MIS18BP1: variants seen among roughly 807,000 people sequenced by gnomAD.
MIS18BP1 encodes mis18-binding protein 1.
MIS18BP1 carries 72 observed loss-of-function variants against 116.1 expected under a neutral mutation model. That is an observed-to-expected ratio of 0.62 (90% CI 0.51 to 0.75). The LOEUF (loss-of-function observed/expected upper bound fraction) is 0.75, where lower values mean the gene tolerates loss of function less well. Among genes scored for constraint, MIS18BP1 ranks in the 30% least tolerant of loss-of-function variants. The pLI is 0.00. For synonymous variants in MIS18BP1, 386 were observed against 427.0 expected, an observed-to-expected ratio of 0.90 and a Z score of 1.18; for missense variants, 1,363 against 1,303.2, an observed-to-expected ratio of 1.05 and a Z score of -0.71.
At chr14:45,223,702 ATACTTAGGCTTTCCTCGTACTTTCCTCG>A (rs1284805917) in intron 11 of MIS18BP1, among the ~76,000 whole-genome samples, 188 bp downstream of exon 11, 1 of 152,252 alleles carries the variant, frequency 6.6e-6, no homozygotes, top group East Asian at 1.9e-4. Context: ...TACTTTCCTC[ATACTTAGGCTTTCCTCGTACTTTCCTCG>A]TATTAGAGAT....
intron 7 of MIS18BP1, 71 bp downstream of exon 7, chr14:45,232,662 G>C (rs1429750308): frequency 1.2e-6 from 1 of 837,862 alleles, no homozygotes; most frequent in South Asian, 1.5e-5. Context: ...GGACATGGTG[G>C]CACACACATA....
intron 1 of MIS18BP1, among the ~76,000 whole-genome samples, chr14:45,251,820 A>C (rs960184618): frequency 6.6e-6 from 1 of 152,210 alleles, no homozygotes; most frequent in South Asian, 2.1e-4. Flanking sequence ...ATGCAAACTA[A>C]AACAGTGAGA....
intron 13 of MIS18BP1, among the ~76,000 whole-genome samples, chr14:45,213,735 AAGAG>A (rs200796220): frequency 0.01 from 1,575 of 152,312 alleles, 35 homozygotes; most frequent in African/African-American, 0.036. Flanking sequence ...GGGGAAAAGA[AAGAG>A]AGATCAGACT....
chr14:45,218,351 T>A lies in MIS18BP1; in HGVS notation c.2773A>T (p.Asn925Tyr). The A allele has an allele frequency of 6.2e-7, 1 of 1,614,106 alleles. No homozygotes were observed. The change falls in exon 12 of 17, where the codon AAT becomes TAT. Residue 925 changes from asparagine (N) to tyrosine (Y), a missense_variant. By Grantham distance (143) the Asn-to-Tyr change is moderately radical. Coordinates refer to ENST00000310806, the MANE Select transcript of MIS18BP1 (RefSeq NM_018353.5). ...PEECQRKYME[N>Y]PRGKGSQKHV... ...TTCTGGGATCCTTTTCCTCTGGGAT[T>A]TTCCATGTATTTCCTCTGGCATTCT...
At chr14:45,228,477 A>G (rs1342022757) in intron 8 of MIS18BP1, among the ~76,000 whole-genome samples, 2 of 152,290 alleles carry the variant, frequency 1.3e-5, no homozygotes, top group Non-Finnish European at 2.9e-5. Context: ...TTCTTCTTCT[A>G]TTTCTTCATG....
chr14:45,230,760 C>G (rs377762412), intron 8 of MIS18BP1, among the ~76,000 whole-genome samples: 7 of 152,124 alleles, frequency 4.6e-5, no homozygotes, highest in South Asian at 2.1e-4. Context: ...GATGGGAACA[C>G]AAGCATGCAC....
At position 45,224,731 on chromosome 14, in the gene MIS18BP1, A is replaced by T; in HGVS notation, c.1856T>A (p.Leu619Ter). 6.4e-7 allele frequency: 1 copy of T among 1,572,292 alleles called. No homozygotes were observed. The highest frequency in any genetic ancestry group is 1.4e-5 in the African/African-American group (1 of 72,716). The change falls in exon 11 of 17, where the codon TTG (leucine) becomes TAG (stop). Residue 619 changes from leucine (L) to a stop codon, truncating the protein, a stop_gained. Transcript: ENST00000310806. LOFTEE classifies it high-confidence loss of function. ...GGTTAGAATATCAATGGATACATCC[A>T]ATTCTTCAGTTGTCTCTTTAATTTC... is the stretch of plus-strand genomic sequence containing the variant. The part of the protein sequence containing the change: ...KSQKQETTEE[L>*]DVSIDILTSR...
chr14:45,232,572 A>G, intron 7 of MIS18BP1, 161 bp downstream of exon 7: 1 of 607,610 alleles, frequency 1.6e-6, no homozygotes. Context: ...AGACAGGCGG[A>G]TCACTTGTAG....
intron 11 of MIS18BP1, 79 bp downstream of exon 11, chr14:45,223,838 AC>A: frequency 9.7e-7 from 1 of 1,035,122 alleles, no homozygotes; most frequent in South Asian, 1.7e-5. Context: ...TTCCATGTTA[AC>A]CCCTTATTGC....
chr14:45,205,998 A>T (rs1594494458), intron 15 of MIS18BP1, 85 bp downstream of exon 15: 1 of 812,158 alleles, frequency 1.2e-6, no homozygotes, highest in East Asian at 2.7e-5. Context: ...AGGGACAGGG[A>T]CTGTTACATG....
At chr14:45,237,898 TGAAACAGAAAA>T (rs1891471429) in intron 4 of MIS18BP1, among the ~76,000 whole-genome samples, 177 bp from the exon 5 acceptor site, 1 of 152,150 alleles carries the variant, frequency 6.6e-6, no homozygotes, top group African/African-American at 2.4e-5. Flanking sequence ...TTGTATACAA[TGAAACAGAAAA>T]GAAAAGACTG....
At chr14:45,244,198 G>C (rs939980159) in intron 2 of MIS18BP1, among the ~76,000 whole-genome samples, 1 of 152,206 alleles carries the variant, frequency 6.6e-6, no homozygotes, top group Admixed American at 6.5e-5. Context: ...TGCTACCTAT[G>C]AGACATAGAG....
chr14:45,235,942 T>C lies in MIS18BP1; in HGVS notation c.1220A>G (p.Asp407Gly), dbSNP rs1891418281. ...TAICVEGKLI[D>G]VTNIYWHSNV... Reference sequence around the variant, plus strand: ...ACTGTGCCAATATATGTTAGTGACGTCTCTAGGAAAAAAAAATAGTTTTGG... The same window carrying C: ...ACTGTGCCAATATATGTTAGTGACGCCTCTAGGAAAAAAAAATAGTTTTGG... The change falls in exon 6 of 17, where the codon GAC (aspartate) becomes GGC (glycine). Residue 407 changes from aspartate to glycine, a missense_variant and splice_region_variant. Physicochemically the swap from Asp to Gly is moderately conservative, Grantham distance 94 (BLOSUM62 -1). Transcript: ENST00000310806. 1.3e-6 allele frequency: 2 copies of C among 1,594,390 alleles called. No homozygotes were observed. The highest frequency in any genetic ancestry group is 1.7e-4 in the Middle Eastern group (1 of 6,012).
In MIS18BP1 at chr14:45,253,144, G is replaced by C. The variant is rs1384278082; in HGVS notation, c.-201C>G. 6.6e-6 allele frequency: 1 copy of C among 152,264 alleles called. No homozygotes were observed. Among genetic ancestry groups the C allele is most frequent in the Admixed American group, 6.5e-5 (1 of 15,290 alleles). The allele number at this position is 152,264 out of a possible 1,614,324, so 9.4% of individuals were successfully genotyped here. ...GCGCCTCAGGCCCACGGTGTATCCT[G>C]CCCGCGGCGGCCAGGCGCCAAGCGA... On this transcript the variant is annotated 5_prime_UTR_variant, in exon 1 of 17. Coordinates refer to ENST00000310806, the MANE Select transcript of MIS18BP1 (RefSeq NM_018353.5).
At position 45,204,207 on chromosome 14, in the gene MIS18BP1, C is replaced by T. The variant is rs765420831; in HGVS notation, c.3301G>A (p.Gly1101Arg). The change falls in exon 17 of 17, where the codon GGA becomes AGA. Residue 1101 changes from glycine (G) to arginine (R), a missense_variant. Coordinates refer to ENST00000310806, the MANE Select transcript of MIS18BP1 (RefSeq NM_018353.5). ...AGTTTTCCAATACCAGAGTTTTCTC[C>T]TAAGTCTGTAAAGAGAAGTTTAATA... ...RRKTPFNTDL[G>R]ENSGIGKLFT... 2 of 1,604,012 alleles carry T rather than the reference C, an allele frequency of 1.2e-6. No homozygotes were observed. Among genetic ancestry groups the T allele is most frequent in the South Asian group, 2.3e-5 (2 of 88,436 alleles).
chr14:45,224,052 C>T lies in MIS18BP1; in HGVS notation c.2535G>A (p.Lys845=), dbSNP rs1891050619. The T allele has an allele frequency of 1.2e-6, 2 of 1,613,750 alleles. No individual in the cohort carries two copies. The highest frequency in any genetic ancestry group is 1.3e-5 in the African/African-American group (1 of 74,922). Residue 845 remains lysine (K), a synonymous_variant, in exon 11 of 17, where the codon AAG becomes AAA. Coordinates refer to ENST00000310806, the MANE Select transcript of MIS18BP1 (RefSeq NM_018353.5). ...ARPSVKETLQ[K]SGVRKEFPIT... ...TTGGAAACTCTTTCCTAACACCAGA[C>T]TTCTGAAGAGTTTCTTTGACGGAAG...
intron 1 of MIS18BP1, among the ~76,000 whole-genome samples, chr14:45,248,781 TA>T (rs935554859): frequency 1.3e-5 from 2 of 152,218 alleles, no homozygotes; most frequent in Admixed American, 6.5e-5. Flanking sequence ...CTGGAGTTCC[TA>T]AAAACCACTA....
At chr14:45,204,298 TAA>T in intron 16 of MIS18BP1, 86 bp from the exon 17 acceptor site, 2 of 1,536,292 alleles carry the variant, frequency 1.3e-6, no homozygotes, top group Admixed American at 2.0e-5. Flanking sequence ...AATAAAATGC[TAA>T]GTCTGTCCAC....
chr14:45,242,194 C>G lies in MIS18BP1; in HGVS notation c.983G>C (p.Gly328Ala), dbSNP rs965766262. Residue 328 changes from glycine (G) to alanine (A), a missense_variant, in exon 4 of 17, where the codon GGA becomes GCA. Physicochemically the swap from Gly to Ala is moderately conservative, Grantham distance 60 (BLOSUM62 0). Transcript: ENST00000310806. ...VKEGNGKTVPGETGLPGSMKD... is the reference protein window; with the variant it reads ...VKEGNGKTVPAETGLPGSMKD... ...CATGGAACCTGGAAGACCTGTCTCT[C>G]CAGGCACTGTTTTTCCATTTCCTTC... 6 of 1,614,062 alleles carry G rather than the reference C, an allele frequency of 3.7e-6. No homozygotes were observed. The highest frequency in any genetic ancestry group is 5.1e-6 in the Non-Finnish European group (6 of 1,179,992).
Sources: gnomAD v4.1 joint callset for allele counts (sites outside exome capture counted in the v4.1 genomes callset) on GRCh38, gnomAD v4.1.1 for gene constraint, MANE v1.5 for transcripts, NCBI Gene and HGNC (gene_info 2026-07-23, HGNC 2026-07-21) for gene names.